The following SYK variants were observed in gnomAD, a reference collection of about 807,000 sequenced individuals.
SYK encodes tyrosine-protein kinase SYK.
Under a neutral mutation model 77.8 loss-of-function variants are expected in SYK, and 16 were observed. The observed-to-expected ratio is 0.21, with a 90% CI of 0.14 to 0.31. SYK has a LOEUF of 0.31. SYK is among the 10% of genes least tolerant of loss of function. The pLI is 1.00. For missense variants in SYK, 529 were observed against 814.4 expected (o/e 0.65, Z 4.26); for synonymous variants, 312 against 308.7 (o/e 1.01, Z -0.11).
intron 1 of SYK, among the ~76,000 whole-genome samples, chr9:90,833,585 G>A (rs2118529715): frequency 6.6e-6 from 1 of 152,316 alleles, no homozygotes; most frequent in Non-Finnish European, 1.5e-5. Context: ...GTGAGCATCT[G>A]TGCCTAATCT....
At chr9:90,810,656 T>G (rs1383077613) in intron 1 of SYK, among the ~76,000 whole-genome samples, 1 of 152,178 alleles carries the variant, frequency 6.6e-6, no homozygotes, top group African/African-American at 2.4e-5. Flanking sequence ...TACAGATGAT[T>G]CCAGAACTCT....
intron 1 of SYK, among the ~76,000 whole-genome samples, chr9:90,835,931 A>G (rs1269441640): frequency 6.6e-6 from 1 of 152,218 alleles, no homozygotes; most frequent in African/African-American, 2.4e-5. Flanking sequence ...AAAATATTGG[A>G]AAAAAGTTTT....
At chr9:90,825,888 T>C (rs1345353424) in intron 1 of SYK, among the ~76,000 whole-genome samples, 1 of 152,192 alleles carries the variant, frequency 6.6e-6, no homozygotes, top group Non-Finnish European at 1.5e-5. Flanking sequence ...GCTTGGATTT[T>C]CATCTTCATA....
intron 1 of SYK, among the ~76,000 whole-genome samples, chr9:90,827,255 C>T (rs1825694708): frequency 1.3e-5 from 2 of 152,110 alleles, no homozygotes; most frequent in South Asian, 4.1e-4. Context: ...GGTGTGTGTT[C>T]TGGAGGGATC....
chr9:90,848,935 G>A (rs1336269649), intron 3 of SYK, among the ~76,000 whole-genome samples: 1 of 152,242 alleles, frequency 6.6e-6, no homozygotes, highest in Non-Finnish European at 1.5e-5. Flanking sequence ...AGGCCTGAAG[G>A]CAGCGAGGAA....
At chr9:90,891,739 A>AC in intron 13 of SYK, among the ~76,000 whole-genome samples, 1 of 152,172 alleles carries the variant, frequency 6.6e-6, no homozygotes, top group Non-Finnish European at 1.5e-5. Flanking sequence ...ATGAAAAAAA[A>AC]GGAAAAGATT....
At chr9:90,837,535 G>A (rs1826128870) in intron 1 of SYK, among the ~76,000 whole-genome samples, 1 of 152,022 alleles carries the variant, frequency 6.6e-6, no homozygotes, top group Non-Finnish European at 1.5e-5. Flanking sequence ...ACAGTGTGGT[G>A]GAGATAGTGA....
intron 11 of SYK, among the ~76,000 whole-genome samples, chr9:90,884,232 CAT>C (rs202061349): frequency 2.7e-4 from 40 of 149,142 alleles, no homozygotes; most frequent in Non-Finnish European, 4.4e-4. Flanking sequence ...TACACATACA[CAT>C]ACGTGTATAT....
At chr9:90,864,937 C>G in intron 5 of SYK, 111 bp from the exon 6 acceptor site, 1 of 1,091,580 alleles carries the variant, frequency 9.2e-7, no homozygotes, top group East Asian at 2.4e-5. Flanking sequence ...AAAGCGTGCT[C>G]ACTTCTCAAG....
At chr9:90,846,639 A>G (rs190718899) in intron 3 of SYK, among the ~76,000 whole-genome samples, 58 of 151,484 alleles carry the variant, frequency 3.8e-4, no homozygotes, top group African/African-American at 1.1e-3. Context: ...CCTGGGCAAC[A>G]TAGTGAGGCC....
chr9:90,822,786 T>G (rs573635549), intron 1 of SYK, among the ~76,000 whole-genome samples: 6 of 152,326 alleles, frequency 3.9e-5, no homozygotes, highest in African/African-American at 1.4e-4. Context: ...GAGTCTTACT[T>G]GCAGTCCACA....
chr9:90,836,607 G>T (rs1826096488), intron 1 of SYK, among the ~76,000 whole-genome samples: 2 of 152,198 alleles, frequency 1.3e-5, no homozygotes, highest in African/African-American at 2.4e-5. Context: ...ATCACTGTGT[G>T]ATGCTCATCA....
At chr9:90,853,767 T>G (rs1198860149) in intron 3 of SYK, among the ~76,000 whole-genome samples, 1 of 152,054 alleles carries the variant, frequency 6.6e-6, no homozygotes, top group Non-Finnish European at 1.5e-5. Flanking sequence ...ATATACCTAA[T>G]GCTAAATGAC....
intron 1 of SYK, among the ~76,000 whole-genome samples, chr9:90,802,626 C>T (rs1291622725): frequency 1.3e-5 from 2 of 151,798 alleles, no homozygotes; most frequent in Non-Finnish European, 2.9e-5. Flanking sequence ...TTAAGCCCAC[C>T]TAAAAACTAT....
chr9:90,848,456 C>T (rs1564092198), intron 3 of SYK, among the ~76,000 whole-genome samples: 1 of 152,218 alleles, frequency 6.6e-6, no homozygotes, highest in Non-Finnish European at 1.5e-5. Flanking sequence ...ATCTGCCCTA[C>T]TTGCAGATAG....
chr9:90,858,209 G>C (rs3789903), intron 3 of SYK, among the ~76,000 whole-genome samples: 23,190 of 152,134 alleles, frequency 0.15, 2,632 homozygotes, highest in African/African-American at 0.28. Flanking sequence ...CTCACCTTTG[G>C]ATAGTGTTCT....
chr9:90,819,192 G>A (rs185566361), intron 1 of SYK, among the ~76,000 whole-genome samples: 76 of 152,258 alleles, frequency 5.0e-4, no homozygotes, highest in African/African-American at 1.6e-3. Flanking sequence ...ACTCAAAATG[G>A]ATAAAGAATG....
intron 3 of SYK, among the ~76,000 whole-genome samples, chr9:90,857,436 A>T (rs1346212204): frequency 3.3e-5 from 5 of 152,222 alleles, no homozygotes; most frequent in Non-Finnish European, 7.3e-5. Flanking sequence ...CACCTTCATG[A>T]ACTAAAGCAG....
chr9:90,888,839 G>A (rs1272533700), intron 13 of SYK, among the ~76,000 whole-genome samples: 9 of 152,234 alleles, frequency 5.9e-5, no homozygotes, highest in Non-Finnish European at 1.3e-4. Context: ...AGCAAGTTTA[G>A]ATGGGGACTC....
Sources: gnomAD v4.1 joint callset for allele counts (sites outside exome capture counted in the v4.1 genomes callset) on GRCh38, gnomAD v4.1.1 for gene constraint, MANE v1.5 for transcripts, NCBI Gene and HGNC (gene_info 2026-07-23, HGNC 2026-07-21) for gene names.